The following GCSH variants were observed in gnomAD, a reference collection of about 807,000 sequenced individuals.
The protein encoded by GCSH is glycine cleavage system H protein, mitochondrial.
GCSH carries 15 observed loss-of-function variants against 21.3 expected under a neutral mutation model. That is an observed-to-expected ratio of 0.70 (90% CI 0.47 to 1.08). The LOEUF (loss-of-function observed/expected upper bound fraction) is 1.08. Among genes scored for constraint, GCSH ranks in the 50% least tolerant of loss-of-function variants. GCSH has a pLI of 0.00. For synonymous variants in GCSH, 59 were observed against 84.5 expected, an observed-to-expected ratio of 0.70 and a Z score of 1.66; for missense variants, 179 against 217.5, an observed-to-expected ratio of 0.82 and a Z score of 1.11.
At chr16:81,093,658 T>C (rs1197458402) in intron 1 of GCSH, among the ~76,000 whole-genome samples, 2 of 151,878 alleles carry the variant, frequency 1.3e-5, no homozygotes, top group Admixed American at 6.6e-5. Flanking sequence ...CTGGCCAACA[T>C]GGTGAAACCC....
At position 81,084,492 on chromosome 16, in the gene GCSH, C is replaced by A. The variant is rs1362287425; in HGVS notation, c.395G>T (p.Gly132Val). 1.2e-6 allele frequency: 2 copies of A among 1,610,864 alleles called. No homozygotes were observed. The highest frequency in any genetic ancestry group is 1.7e-6 in the Non-Finnish European group (2 of 1,177,252). Reference protein sequence around the residue: ...EINEALAENPGLVNKSCYEDG... With the variant: ...EINEALAENPVLVNKSCYEDG... ...TTCATAACAAGATTTGTTTACAAGTCCTGGATTTTCTGCAAGAGCTTCATT... is the reference window on the plus strand; with the variant it reads ...TTCATAACAAGATTTGTTTACAAGTACTGGATTTTCTGCAAGAGCTTCATT... The change falls in exon 4 of 5, where the codon GGA becomes GTA. Residue 132 changes from glycine to valine, a missense_variant. Coordinates refer to ENST00000315467, the MANE Select transcript of GCSH (RefSeq NM_004483.5).
chr16:81,089,882 C>T (rs991278603), intron 2 of GCSH, among the ~76,000 whole-genome samples: 1 of 152,156 alleles, frequency 6.6e-6, no homozygotes, highest in Non-Finnish European at 1.5e-5. Context: ...ACGTGTGTAT[C>T]ACTGGACCCA....
intron 2 of GCSH, 23 bp downstream of exon 2, chr16:81,090,578 A>C: frequency 1.1e-5 from 17 of 1,479,472 alleles, no homozygotes; most frequent in Non-Finnish European, 1.6e-5. Flanking sequence ...CACTGGGACA[A>C]ATATTTCAAT....
intron 4 of GCSH, 172 bp from the exon 5 acceptor site, chr16:81,083,135 T>A: frequency 1.6e-6 from 1 of 641,934 alleles, no homozygotes; most frequent in Non-Finnish European, 2.8e-6. Flanking sequence ...TACTTGTATA[T>A]AACAAATGAA....
chr16:81,088,671 G>A (rs942099821), intron 2 of GCSH, among the ~76,000 whole-genome samples: 17 of 152,144 alleles, frequency 1.1e-4, no homozygotes, highest in African/African-American at 3.6e-4. Flanking sequence ...AAAGTGCTAG[G>A]ATTACAGGTG....
In GCSH at chr16:81,096,295, G is replaced by A. The variant is rs1468547823; in HGVS notation, c.-17C>T. 8 of 1,364,274 alleles carry A rather than the reference G, an allele frequency of 5.9e-6. No homozygotes were observed. The highest frequency in any genetic ancestry group is 6.2e-5 in the East Asian group (2 of 32,016). 84.5% of individuals were successfully genotyped at this position (1,364,274 alleles called of 1,614,324 possible). On this transcript the variant is annotated 5_prime_UTR_variant, in exon 1 of 5. Transcript: ENST00000315467. ...CAGCGCCATGTTCGCAGGGGTGCGG[G>A]GGTCGCAGCGCTACGCCTCGGCCAC... is the stretch of plus-strand genomic sequence containing the variant.
rs1189596993 is a variant in GCSH at position 81,082,489 on chromosome 16, T to TAA, written c.*376_*377insTT. On this transcript the variant is annotated 3_prime_UTR_variant, in exon 5 of 5. Transcript: ENST00000315467. ...CTTCCAGTTATTTCCAATGGAAAGA[T>TAA]CATTAAGTATTTCATCCCAAATCCA... 5 of 379,794 alleles carry TAA rather than the reference T, an allele frequency of 1.3e-5. No homozygotes were observed. Among genetic ancestry groups the TAA allele is most frequent in the Non-Finnish European group, 2.6e-5 (5 of 195,942 alleles). The allele number at this position is 379,794 out of a possible 1,614,324, so 23.5% of individuals were successfully genotyped here.
At chr16:81,090,500 G>A (rs867592579) in intron 2 of GCSH, 101 bp downstream of exon 2, 1 of 826,390 alleles carries the variant, frequency 1.2e-6, no homozygotes, top group East Asian at 2.5e-5. Flanking sequence ...GGGATTACAG[G>A]CATGAGCCAC....
At chr16:81,092,942 G>A (rs898335020) in intron 1 of GCSH, among the ~76,000 whole-genome samples, 3 of 151,984 alleles carry the variant, frequency 2.0e-5, no homozygotes, top group Non-Finnish European at 4.4e-5. Context: ...GACCAGCCTG[G>A]CCAGCATGGT....
At chr16:81,092,269 G>A (rs1360356942) in intron 1 of GCSH, among the ~76,000 whole-genome samples, 1 of 151,822 alleles carries the variant, frequency 6.6e-6, no homozygotes. Context: ...GCACACACAC[G>A]GTGCTGAACA....
chr16:81,084,926 A>C (rs1289361836), intron 3 of GCSH, among the ~76,000 whole-genome samples: 1 of 150,504 alleles, frequency 6.6e-6, no homozygotes, highest in Non-Finnish European at 1.5e-5. Flanking sequence ...TGTGTTAGCT[A>C]GGATGGTCTC....
In GCSH at chr16:81,087,160, A is replaced by G. The variant is rs1972298205; in HGVS notation, c.292+441T>C. Among the ~76,000 whole-genome samples the G allele has an allele frequency of 2.6e-5, 4 of 151,856 alleles. No individual in the cohort carries two copies. In the East Asian group the frequency reaches 7.8e-4, roughly 29 times the overall value. ...GGCTCACTGCAACCTCCGCCTCCCA[A>G]GTTCCAGCAATTCTCCTGTCTCAGC... On this transcript the variant is annotated intron_variant, in intron 3 of 4. Coordinates refer to ENST00000315467, the MANE Select transcript of GCSH (RefSeq NM_004483.5).
chr16:81,089,627 G>C (rs9932197), intron 2 of GCSH, among the ~76,000 whole-genome samples: 5,255 of 152,156 alleles, frequency 0.035, 243 homozygotes, highest in African/African-American at 0.11. Flanking sequence ...TCAGAACATA[G>C]CTCCATCATT....
intron 3 of GCSH, among the ~76,000 whole-genome samples, chr16:81,086,566 A>G (rs1972285529): frequency 6.6e-6 from 1 of 151,874 alleles, no homozygotes; most frequent in African/African-American, 2.4e-5. Flanking sequence ...CAAAAAAATA[A>G]GAAGAAAAAA....
chr16:81,096,017 G>T, intron 1 of GCSH, 114 bp downstream of exon 1: 2 of 902,766 alleles, frequency 2.2e-6, no homozygotes, highest in East Asian at 3.4e-5. Context: ...GTCCGCGCTC[G>T]CTCCGCCCCG....
chr16:81,088,871 C>T (rs1972336241), intron 2 of GCSH, among the ~76,000 whole-genome samples: 1 of 152,158 alleles, frequency 6.6e-6, no homozygotes, highest in Admixed American at 6.6e-5. Flanking sequence ...AAGAAGTGGT[C>T]TCTCCATCAG....
intron 2 of GCSH, among the ~76,000 whole-genome samples, chr16:81,089,452 C>T (rs1178207773): frequency 1.3e-5 from 2 of 152,098 alleles, no homozygotes; most frequent in Non-Finnish European, 2.9e-5. Flanking sequence ...AAGTGTGTTA[C>T]GATTGCCTAC....
intron 3 of GCSH, among the ~76,000 whole-genome samples, chr16:81,086,275 G>A (rs1318596433): frequency 6.6e-6 from 1 of 150,438 alleles, no homozygotes; most frequent in East Asian, 1.9e-4. Context: ...GCTCATGCTT[G>A]TAATCCCAAC....
intron 1 of GCSH, among the ~76,000 whole-genome samples, chr16:81,094,074 A>G (rs903199549): frequency 2.0e-5 from 3 of 151,716 alleles, no homozygotes; most frequent in African/African-American, 7.3e-5. Flanking sequence ...AATTTTTTGT[A>G]TTTTTGGTAG....
Sources: allele counts gnomAD v4.1 joint callset (sites outside exome capture counted in the v4.1 genomes callset), GRCh38; gene constraint gnomAD v4.1.1; transcripts MANE v1.5; gene names NCBI Gene and HGNC (gene_info 2026-07-23, HGNC 2026-07-21).